Variants in PCDHA6 observed in about 807,000 individuals in gnomAD.
The protein encoded by PCDHA6 is protocadherin alpha-6.
Under a neutral mutation model 60.3 loss-of-function variants are expected in PCDHA6, and 55 were observed. That is an observed-to-expected ratio of 0.91 (90% confidence interval 0.73 to 1.14). The LOEUF (loss-of-function observed/expected upper bound fraction) is 1.14. Ranked by LOEUF, PCDHA6 falls within the 50% of genes most tolerant of loss-of-function variation. The probability of loss-of-function intolerance (pLI) is 0.00; values close to 1 mark genes in which losing one functional copy is unlikely to be tolerated. For synonymous variants in PCDHA6, 652 were observed against 557.9 expected (o/e 1.17, Z -2.38); for missense variants, 1,327 against 1,256.5 (o/e 1.06, Z -0.85).
rs2150480213 is a variant in PCDHA6, at chr5:140,850,340, G to C, written c.2394+19855G>C. 0.013 allele frequency: 21,012 copies of C among 1,597,592 alleles called. 2,634 individuals are homozygous for C. The African/African-American group carries it at 0.2, about 15-fold the overall frequency. Reference sequence around the variant, plus strand: ...TTTCATACGAGCTGCAGCCAGAAACGGCCAGCGCGAGCATCCCGTTCCGCG... The same window carrying C: ...TTTCATACGAGCTGCAGCCAGAAACCGCCAGCGCGAGCATCCCGTTCCGCG... On this transcript the variant is annotated intron_variant, in intron 1 of 3. Coordinates refer to ENST00000529310, the MANE Select transcript of PCDHA6 (RefSeq NM_018909.4).
chr5:140,927,632 C>G (rs2084445013), intron 1 of PCDHA6: 2 of 1,614,142 alleles, frequency 1.2e-6, no homozygotes, highest in Non-Finnish European at 1.7e-6. Context: ...GAGACTGCAC[C>G]CAATGGGACT....
intron 1 of PCDHA6, chr5:140,926,624 G>A (rs2083414676): frequency 5.0e-6 from 2 of 400,148 alleles, no homozygotes; most frequent in Admixed American, 8.6e-5. Context: ...CCTAGGCGGC[G>A]CTGCGCTCCT....
intron 1 of PCDHA6, among the ~76,000 whole-genome samples, chr5:140,908,583 T>C (rs1245727862): frequency 1.3e-5 from 2 of 152,088 alleles, no homozygotes; most frequent in Admixed American, 1.3e-4. Context: ...GGAGAGTAGT[T>C]AGCTGCAGAA....
intron 3 of PCDHA6, among the ~76,000 whole-genome samples, chr5:140,999,657 C>A (rs1257419150): frequency 6.6e-6 from 1 of 152,156 alleles, no homozygotes; most frequent in Non-Finnish European, 1.5e-5. Flanking sequence ...CTGAGCCCTG[C>A]TGGGTTGCGG....
chr5:140,850,003 C>G (rs782017581), intron 1 of PCDHA6: 1 of 1,596,910 alleles, frequency 6.3e-7, no homozygotes, highest in African/African-American at 1.3e-5. Context: ...GGCGAGCGCT[C>G]GCTGTCGAGC....
At chr5:140,849,010 T>C in intron 1 of PCDHA6, 1 of 1,591,032 alleles carries the variant, frequency 6.3e-7, no homozygotes, top group Non-Finnish European at 8.6e-7. Context: ...ACTTACAGAC[T>C]GAGCCCCAAT....
At chr5:140,975,784 A>G (rs1216156931) in intron 1 of PCDHA6, among the ~76,000 whole-genome samples, 1 of 151,914 alleles carries the variant, frequency 6.6e-6, no homozygotes, top group Non-Finnish European at 1.5e-5. Flanking sequence ...CCATTACAAG[A>G]TAAATTAAAT....
intron 1 of PCDHA6, chr5:140,867,873 G>A (rs1554161583): frequency 6.6e-6 from 1 of 152,056 alleles, no homozygotes; most frequent in East Asian, 1.9e-4. Flanking sequence ...AATTTTCTAT[G>A]TTTTAAGCAC....
intron 1 of PCDHA6, among the ~76,000 whole-genome samples, chr5:140,942,621 A>T (rs1038877515): frequency 1.5e-3 from 44 of 29,368 alleles, no homozygotes; most frequent in African/African-American, 6.9e-3. Flanking sequence ...GCCAATTGTA[A>T]AAAAAAAAAT....
chr5:141,000,385 C>CTA (rs2097909674), intron 3 of PCDHA6, among the ~76,000 whole-genome samples: 1 of 64,994 alleles, frequency 1.5e-5, no homozygotes, highest in Non-Finnish European at 2.9e-5. Context: ...CTCTCTCTCT[C>CTA]TCTCTCTCTC....
At chr5:140,967,354 C>T in intron 1 of PCDHA6, 1 of 1,607,952 alleles carries the variant, frequency 6.2e-7, no homozygotes, top group South Asian at 1.1e-5. Flanking sequence ...TCGAGCTGGA[C>T]CTTAAGCCCC....
At position 140,963,044 on chromosome 5, in the gene PCDHA6, T is replaced by C. The variant is rs144557802; in HGVS notation, c.2395-15905T>C. On this transcript the variant is annotated intron_variant, in intron 1 of 3. Transcript: ENST00000529310. The stretch of plus-strand genomic sequence containing the variant: ...AAGCAATTAACATTTATTGAGAGTC[T>C]ATAAGGGTTTCTACATTGTGAAGGA... Among the ~76,000 whole-genome samples the C allele has an allele frequency of 9.3e-4, 141 of 152,294 alleles. 1 individual carries two copies. Among genetic ancestry groups the C allele is most frequent in the African/African-American group, 2.9e-3 (121 of 41,576 alleles).
chr5:140,843,740 C>G (rs782492231), intron 1 of PCDHA6: 1 of 1,536,514 alleles, frequency 6.5e-7, no homozygotes, highest in Non-Finnish European at 8.9e-7. Flanking sequence ...ATTTAGAACT[C>G]ATAAATTCTA....
rs781837708 is a variant in PCDHA6, at chr5:140,875,917, GAC to G, written c.2394+45433_2394+45434del. On this transcript the variant is annotated intron_variant, in intron 1 of 3. Coordinates refer to ENST00000529310, the MANE Select transcript of PCDHA6 (RefSeq NM_018909.4). Reference sequence around the variant, plus strand: ...ACCTGTTTCTGAATCTGCGCCTCTGGACTCTCATTTTCCTCTAGAGGGCGCTT... The same window carrying G: ...ACCTGTTTCTGAATCTGCGCCTCTGGTCTCATTTTCCTCTAGAGGGCGCTT... 20 of 1,614,146 alleles carry G rather than the reference GAC, an allele frequency of 1.2e-5. 1 individual carries two copies. In the South Asian group the frequency reaches 2.1e-4, roughly 17 times the overall value.
intron 1 of PCDHA6, among the ~76,000 whole-genome samples, chr5:140,904,137 G>A (rs2070857554): frequency 6.6e-6 from 1 of 152,040 alleles, no homozygotes; most frequent in African/African-American, 2.4e-5. Context: ...CATCACCCGA[G>A]CAGTATACAT....
intron 3 of PCDHA6, among the ~76,000 whole-genome samples, chr5:140,986,934 C>T (rs1379562819): frequency 6.6e-6 from 1 of 152,160 alleles, no homozygotes; most frequent in East Asian, 1.9e-4. Flanking sequence ...AGGATGGAGG[C>T]TGGGTGTGGT....
At chr5:140,951,685 T>C (rs1305310211) in intron 1 of PCDHA6, among the ~76,000 whole-genome samples, 4 of 152,140 alleles carry the variant, frequency 2.6e-5, no homozygotes, top group African/African-American at 9.7e-5. Flanking sequence ...GGGATTACAA[T>C]GTGACATGAG....
At chr5:140,942,838 A>G (rs2093377015) in intron 1 of PCDHA6, among the ~76,000 whole-genome samples, 1 of 152,198 alleles carries the variant, frequency 6.6e-6, no homozygotes, top group Non-Finnish European at 1.5e-5. Context: ...GTCAATAAAA[A>G]TTCCAGTAAG....
chr5:140,857,769 G>A, intron 1 of PCDHA6: 1 of 1,597,600 alleles, frequency 6.3e-7, no homozygotes, highest in Non-Finnish European at 8.6e-7. Context: ...AGCGCGGGCG[G>A]TGCAGTCAGT....
Sources: gnomAD v4.1 joint callset for allele counts (sites outside exome capture counted in the v4.1 genomes callset) on GRCh38, gnomAD v4.1.1 for gene constraint, MANE v1.5 for transcripts, NCBI Gene and HGNC (gene_info 2026-07-23, HGNC 2026-07-21) for gene names.